The following GALNT7 variants were observed in gnomAD, a reference collection of about 807,000 sequenced individuals.
GALNT7 encodes polypeptide N-acetylgalactosaminyltransferase 7, also known as N-acetylgalactosaminyltransferase 7.
In GALNT7, 60 loss-of-function variants were observed where a neutral mutation model predicts 82.1. The ratio of observed to expected loss-of-function variants is 0.73; its 90% CI spans 0.59 to 0.91. The LOEUF (loss-of-function observed/expected upper bound fraction) is 0.91, where lower values mean the gene tolerates loss of function less well. GALNT7 is among the 40% of genes least tolerant of loss of function. The pLI is 0.00. For synonymous variants in GALNT7, 243 were observed against 275.1 expected, an observed-to-expected ratio of 0.88 and a Z score of 1.15; for missense variants, 660 against 804.2, an observed-to-expected ratio of 0.82 and a Z score of 2.17.
intron 1 of GALNT7, among the ~76,000 whole-genome samples, chr4:173,199,148 T>C (rs1024759182): frequency 6.6e-6 from 1 of 152,236 alleles, no homozygotes; most frequent in Non-Finnish European, 1.5e-5. Context: ...ATGTGCTAGA[T>C]ACTATGTGCC....
intron 1 of GALNT7, among the ~76,000 whole-genome samples, chr4:173,224,261 C>G (rs917362765): frequency 6.6e-6 from 1 of 152,172 alleles, no homozygotes; most frequent in Non-Finnish European, 1.5e-5. Context: ...CCCTTTACCA[C>G]GTTTCGAGTA....
chr4:173,190,373 G>A (rs1342750762), intron 1 of GALNT7, among the ~76,000 whole-genome samples: 3 of 152,184 alleles, frequency 2.0e-5, no homozygotes. Flanking sequence ...TAACTAATGA[G>A]ATAGAAAGGG....
At chr4:173,246,710 T>A (rs1734647051) in intron 1 of GALNT7, among the ~76,000 whole-genome samples, 1 of 152,248 alleles carries the variant, frequency 6.6e-6, no homozygotes, top group Non-Finnish European at 1.5e-5. Context: ...GAGAGCAGCC[T>A]ACACATCAAC....
Position 173,248,409 on chromosome 4 carries a change from G to T in GALNT7, c.556G>T (p.Asp186Tyr), listed in dbSNP as rs1734737452. The stretch of plus-strand genomic sequence containing the variant: ...GGTGGCAAGTGACATGATCTCACTG[G>T]ACCGCAGCGTCAATGACTTACGCCA... Reference protein sequence around the residue: ...NMVASDMISLDRSVNDLRQEE... With the variant: ...NMVASDMISLYRSVNDLRQEE... The change falls in exon 2 of 12, where the codon GAC becomes TAC. Residue 186 changes from aspartate (D) to tyrosine (Y), a missense_variant. Physicochemically the swap from Asp to Tyr is radical, Grantham distance 160. Transcript: ENST00000265000. 2 of 1,611,530 alleles carry T rather than the reference G, an allele frequency of 1.2e-6. No homozygotes were observed. Among genetic ancestry groups the T allele is most frequent in the South Asian group, 2.2e-5 (2 of 91,010 alleles).
At chr4:173,233,242 A>G (rs144831308) in intron 1 of GALNT7, among the ~76,000 whole-genome samples, 2 of 152,252 alleles carry the variant, frequency 1.3e-5, no homozygotes, top group African/African-American at 4.8e-5. Flanking sequence ...TTTCCTTTGG[A>G]TAAATACCCA....
chr4:173,197,047 C>T (rs1320320142), intron 1 of GALNT7, among the ~76,000 whole-genome samples: 36 of 143,480 alleles, frequency 2.5e-4, no homozygotes, highest in Non-Finnish European at 4.8e-4. Context: ...TTTAGATTCT[C>T]TATCTCTCTC....
intron 2 of GALNT7, among the ~76,000 whole-genome samples, chr4:173,286,722 G>A (rs1215794527): frequency 2.0e-5 from 3 of 152,136 alleles, no homozygotes; most frequent in South Asian, 2.1e-4. Flanking sequence ...CTTGAGTTTC[G>A]TTATGAGGTG....
chr4:173,307,675 A>G lies in GALNT7; in HGVS notation c.1389+3557A>G, dbSNP rs76620479. On this transcript the variant is annotated intron_variant, in intron 8 of 11. Coordinates refer to ENST00000265000, the MANE Select transcript of GALNT7 (RefSeq NM_017423.3). ...TCCAGGGCCTGGAGATGGGGCATGCACAATAAAGGCGTGGCTCTGAGGCCT... is the reference window on the plus strand; with the variant it reads ...TCCAGGGCCTGGAGATGGGGCATGCGCAATAAAGGCGTGGCTCTGAGGCCT... Among the ~76,000 whole-genome samples the G allele has an allele frequency of 2.7e-3, 414 of 152,306 alleles. 1 individual carries two copies. The highest frequency in any genetic ancestry group is 9.3e-3 in the African/African-American group (386 of 41,568).
intron 1 of GALNT7, among the ~76,000 whole-genome samples, chr4:173,216,662 C>T (rs34938930): frequency 7.2e-6 from 1 of 139,520 alleles, no homozygotes; most frequent in Non-Finnish European, 1.5e-5. Context: ...TGGGCTGGGG[C>T]TACTGTCTTG....
intron 1 of GALNT7, among the ~76,000 whole-genome samples, chr4:173,210,539 C>T (rs371637158): frequency 8.5e-5 from 13 of 152,048 alleles, no homozygotes; most frequent in African/African-American, 3.1e-4. Flanking sequence ...CTGCAGCTGC[C>T]GCCTCCCGAG....
intron 1 of GALNT7, among the ~76,000 whole-genome samples, chr4:173,216,727 A>ATTTTTTTTTTTTTTTTTTTTTTTTTT (rs1554022010): frequency 1.5e-4 from 2 of 12,980 alleles, no homozygotes; most frequent in African/African-American, 2.8e-4. Context: ...ATATATATAT[A>ATTTTTTTTTTTTTTTTTTTTTTTTTT]TTTTTTTTTT....
chr4:173,218,845 C>G (rs1447961472), intron 1 of GALNT7, among the ~76,000 whole-genome samples: 6 of 152,138 alleles, frequency 3.9e-5, no homozygotes, highest in African/African-American at 1.4e-4. Context: ...TATTGACCCC[C>G]TGCTGGTTCT....
chr4:173,227,498 A>AT (rs1051507455), intron 1 of GALNT7, among the ~76,000 whole-genome samples: 3 of 151,836 alleles, frequency 2.0e-5, no homozygotes, highest in Non-Finnish European at 4.4e-5. Context: ...CACCTGGCTA[A>AT]TTTTTTTTAT....
At position 173,321,772 on chromosome 4, in the gene GALNT7, T is replaced by A; in HGVS notation, c.*55T>A. 7.8e-7 allele frequency: 1 copy of A among 1,279,298 alleles called. No individual in the cohort carries two copies. Among genetic ancestry groups the A allele is most frequent in the Non-Finnish European group, 1.1e-6 (1 of 887,078 alleles). 79.2% of individuals were successfully genotyped at this position (1,279,298 alleles called of 1,614,324 possible). ...ACTGACAAGTAAATTTATACAGGAC[T>A]GAAAACCGCCTGAAACCTGCTGCAA... On this transcript the variant is annotated 3_prime_UTR_variant, in exon 12 of 12. Transcript: ENST00000265000.
At chr4:173,214,079 A>G (rs1442109053) in intron 1 of GALNT7, among the ~76,000 whole-genome samples, 2 of 152,152 alleles carry the variant, frequency 1.3e-5, no homozygotes, top group East Asian at 3.8e-4. Context: ...GCAAACCTCA[A>G]ACAATCTCTG....
intron 2 of GALNT7, among the ~76,000 whole-genome samples, chr4:173,274,196 A>G (rs1241611144): frequency 6.6e-6 from 1 of 152,214 alleles, no homozygotes; most frequent in African/African-American, 2.4e-5. Flanking sequence ...TGAGATTTCA[A>G]ATCATTAACT....
intron 2 of GALNT7, among the ~76,000 whole-genome samples, chr4:173,258,863 G>A (rs544570443): frequency 2.0e-5 from 3 of 152,170 alleles, no homozygotes; most frequent in Non-Finnish European, 4.4e-5. Flanking sequence ...TTAGAAAAAG[G>A]TAAAAGGCAA....
chr4:173,279,842 G>T (rs2126805092), intron 2 of GALNT7, among the ~76,000 whole-genome samples: 1 of 152,164 alleles, frequency 6.6e-6, no homozygotes, highest in African/African-American at 2.4e-5. Context: ...AGGTGTGGTG[G>T]CGCGTACCTG....
intron 5 of GALNT7, among the ~76,000 whole-genome samples, chr4:173,296,351 A>T (rs998063793): frequency 2.0e-5 from 3 of 152,198 alleles, no homozygotes; most frequent in Non-Finnish European, 4.4e-5. Flanking sequence ...AATTTCCAGA[A>T]ATGTCTAAAA....
Sources: gnomAD v4.1 joint callset for allele counts (sites outside exome capture counted in the v4.1 genomes callset) on GRCh38, gnomAD v4.1.1 for gene constraint, MANE v1.5 for transcripts, NCBI Gene and HGNC (gene_info 2026-07-23, HGNC 2026-07-21) for gene names.